CBX6: variants seen among roughly 807,000 people sequenced by gnomAD.
CBX6 encodes the protein chromobox 6, also known as chromobox protein homolog 6.
Under a neutral mutation model 28.4 loss-of-function variants are expected in CBX6, and 7 were observed. The ratio of observed to expected loss-of-function variants is 0.25; its 90% CI spans 0.14 to 0.46. The LOEUF is 0.46. Ranked by LOEUF, CBX6 falls within the 20% of genes least tolerant of loss-of-function variation. CBX6 has a pLI of 0.99. For missense variants in CBX6, 512 were observed against 606.1 expected (o/e 0.84, Z 1.63); for synonymous variants, 297 against 273.4 (o/e 1.09, Z -0.85).
At chr22:38,868,832 C>T (rs910215966) in intron 4 of CBX6, among the ~76,000 whole-genome samples, 2 of 152,274 alleles carry the variant, frequency 1.3e-5, no homozygotes, top group South Asian at 4.1e-4. Context: ...AGCCCATATG[C>T]CTCTCAGACA....
In CBX6 at chr22:38,866,558, G is replaced by A. The variant is rs1162602841; in HGVS notation, c.890C>T (p.Pro297Leu). The change falls in exon 5 of 5, where the codon CCC becomes CTC. Residue 297 changes from proline (P) to leucine (L), a missense_variant. Physicochemically the swap from Pro to Leu is moderately conservative, Grantham distance 98 (BLOSUM62 -3). This residue lies in a region of CBX6 where 290 missense variants were observed against 274.1 expected (regional missense o/e 1.06). Transcript: ENST00000407418. This position sits in a 1 kb window ranked among gnomAD's most constrained non-coding sequence, Gnocchi z 7.5. ...DPDDTPPKLL[P>L]ETVSPSAPSW... ...GGGGGCGGATGGGCTCACGGTCTCG[G>A]GGAGGAGCTTGGGGGGCGTGTCGTC... The A allele has an allele frequency of 6.3e-7, 1 of 1,578,398 alleles. No homozygotes were observed. The highest frequency in any genetic ancestry group is 8.6e-7 in the Non-Finnish European group (1 of 1,169,556).
chr22:38,871,875 G>A lies in CBX6; in HGVS notation c.113+27C>T. ...CGGTGCCCGCTGCCTCCCCTCCCGC[G>A]ACGCCCCCGGACCCCGCGACACTCA... On this transcript the variant is annotated intron_variant, in intron 2 of 4. Coordinates refer to ENST00000407418, the MANE Select transcript of CBX6 (RefSeq NM_014292.5). This position sits in a 1 kb window ranked among gnomAD's most constrained non-coding sequence, Gnocchi z 5.6. 1 of 1,529,408 alleles carries A rather than the reference G, an allele frequency of 6.5e-7. No individual in the cohort carries two copies. Among genetic ancestry groups the A allele is most frequent in the Non-Finnish European group, 8.8e-7 (1 of 1,134,400 alleles). The allele number at this position is 1,529,408 out of a possible 1,614,324, so 94.7% of individuals were successfully genotyped here. A position where few individuals can be genotyped will look rare whatever the true frequency, so the allele number is the denominator to read the frequency against.
Position 38,866,358 on chromosome 22 carries a change from G to A in CBX6, c.1090C>T (p.Pro364Ser), listed in dbSNP as rs780798352. 1 of 1,613,682 alleles carries A rather than the reference G, an allele frequency of 6.2e-7. No individual in the cohort carries two copies. The highest frequency in any genetic ancestry group is 1.3e-5 in the African/African-American group (1 of 74,936). The change falls in exon 5 of 5, where the codon CCC becomes TCC. Residue 364 changes from proline to serine, a missense_variant. By Grantham distance (74) the Pro-to-Ser change is moderately conservative. Transcript: ENST00000407418. This position sits in a 1 kb window ranked among gnomAD's most constrained non-coding sequence, Gnocchi z 7.5. ...EAGDWRPEMSPCSNVVVTDVT... is the reference protein window; with the variant it reads ...EAGDWRPEMSSCSNVVVTDVT... ...TCGGTGACGACCACATTGGAGCAGG[G>A]TGACATCTCGGGGCGCCAGTCCCCA... is the stretch of plus-strand genomic sequence containing the variant.
chr22:38,867,133 G>C lies in CBX6; in HGVS notation c.315C>G (p.Ala105=). 1.9e-6 allele frequency: 3 copies of C among 1,579,862 alleles called. No homozygotes were observed. The highest frequency in any genetic ancestry group is 2.6e-6 in the Non-Finnish European group (3 of 1,166,224). The change falls in exon 5 of 5, where the codon GCC becomes GCG. Residue 105 remains alanine, a synonymous_variant. Coordinates refer to ENST00000407418, the MANE Select transcript of CBX6 (RefSeq NM_014292.5). ...VHFSVKPSAS[A]SSPKLHSSAA... is the part of the protein sequence containing the mutation. ...CGCTGGAGTGCAGCTTGGGCGAGGAGGCACTGGCGCTCGGCTTGACAGAGA... is the reference window on the plus strand; with the variant it reads ...CGCTGGAGTGCAGCTTGGGCGAGGACGCACTGGCGCTCGGCTTGACAGAGA...
rs2093181294 is a variant in CBX6 at position 38,871,204 on chromosome 22, C to T, written c.246+276G>A. 1 of 544,772 alleles carries T rather than the reference C, an allele frequency of 1.8e-6. No individual in the cohort carries two copies. The highest frequency in any genetic ancestry group is 3.2e-6 in the Non-Finnish European group (1 of 307,822). 33.7% of individuals were successfully genotyped at this position (544,772 alleles called of 1,614,324 possible). A position where few individuals can be genotyped will look rare whatever the true frequency, so the allele number is the denominator to read the frequency against. Reference sequence around the variant, plus strand: ...GGCATCCCCCACCTGCCTCAGCCACCCCCTTTCCTGGAGCCCTAAAGGCAT... The same window carrying T: ...GGCATCCCCCACCTGCCTCAGCCACTCCCTTTCCTGGAGCCCTAAAGGCAT... On this transcript the variant is annotated intron_variant, in intron 4 of 4. Coordinates refer to ENST00000407418, the MANE Select transcript of CBX6 (RefSeq NM_014292.5). This position sits in a 1 kb window ranked among gnomAD's most constrained non-coding sequence, Gnocchi z 5.6.
chr22:38,868,596 G>A (rs960010647), intron 4 of CBX6, among the ~76,000 whole-genome samples: 2 of 152,142 alleles, frequency 1.3e-5, no homozygotes, highest in African/African-American at 2.4e-5. Context: ...CAGAGGCTGG[G>A]GTGTGTGTGG....
rs2093158851 is a variant in CBX6 at position 38,862,247 on chromosome 22, A to G, written c.*3962T>C. The G allele has an allele frequency of 6.6e-6, 1 of 152,312 alleles. No homozygotes were observed. Among genetic ancestry groups the G allele is most frequent in the East Asian group, 1.9e-4 (1 of 5,178 alleles). The allele number at this position is 152,312 out of a possible 1,614,324, so 9.4% of individuals were successfully genotyped here. A position where few individuals can be genotyped will look rare whatever the true frequency, so the allele number is the denominator to read the frequency against. On this transcript the variant is annotated 3_prime_UTR_variant, in exon 5 of 5. Transcript: ENST00000407418. The stretch of plus-strand genomic sequence containing the variant: ...GAGGGGGCATCTTTGGCCCCCACTA[A>G]CCATCTCCCTATTTCTGCATCCTGG...
rs1461274155 is a variant in CBX6 at position 38,861,958 on chromosome 22, TAA to T, written c.*4249_*4250del. ...AACGTCTCAAAAATTAAAAAAATTATAAGATACGTATTTCTTTAGGCCTTTGT... is the reference window on the plus strand; with the variant it reads ...AACGTCTCAAAAATTAAAAAAATTATGATACGTATTTCTTTAGGCCTTTGT... On this transcript the variant is annotated 3_prime_UTR_variant, in exon 5 of 5. Coordinates refer to ENST00000407418, the MANE Select transcript of CBX6 (RefSeq NM_014292.5). The T allele has an allele frequency of 6.6e-6, 1 of 152,246 alleles. No homozygotes were observed. The highest frequency in any genetic ancestry group is 2.4e-5 in the African/African-American group (1 of 41,468). The allele number at this position is 152,246 out of a possible 1,614,324, so 9.4% of individuals were successfully genotyped here. A position where few individuals can be genotyped will look rare whatever the true frequency, so the allele number is the denominator to read the frequency against.
rs924574373 is a variant in CBX6, at chr22:38,863,046, G to A, written c.*3163C>T. On this transcript the variant is annotated 3_prime_UTR_variant, in exon 5 of 5. Coordinates refer to ENST00000407418, the MANE Select transcript of CBX6 (RefSeq NM_014292.5). ...ATTTTGACCTTGACCCCTTTGCAGG[G>A]TGAGAACAAAGAGGGGTTGTGGGCA... is the stretch of plus-strand genomic sequence containing the variant. 6.6e-6 allele frequency: 1 copy of A among 152,250 alleles called. No homozygotes were observed. The highest frequency in any genetic ancestry group is 2.4e-5 in the African/African-American group (1 of 41,462). 9.4% of individuals were successfully genotyped at this position (152,250 alleles called of 1,614,324 possible).
rs949190758 is a variant in CBX6, at chr22:38,870,483, G to C, written c.246+997C>G. The C allele has an allele frequency of 6.6e-6, 1 of 152,284 alleles. No individual in the cohort carries two copies. The highest frequency in any genetic ancestry group is 2.4e-5 in the African/African-American group (1 of 41,456). The allele number at this position is 152,284 out of a possible 1,614,324, so 9.4% of individuals were successfully genotyped here. On this transcript the variant is annotated intron_variant, in intron 4 of 4. Transcript: ENST00000407418. This position sits in a 1 kb window ranked among gnomAD's most constrained non-coding sequence, Gnocchi z 4.3. ...CTGCTCCGCCCATCCCTCCCCAAGA[G>C]AAGCATCAGGGTTAAGGTTACTCCC...
Position 38,871,975 on chromosome 22 carries a change from T to TGGGGGTGGGGAGGATGCGGGGAC in CBX6, c.70-53_70-31dup, listed in dbSNP as rs1484643940. The TGGGGGTGGGGAGGATGCGGGGAC allele has an allele frequency of 7.9e-7, 1 of 1,262,044 alleles. No individual in the cohort carries two copies. Among genetic ancestry groups the TGGGGGTGGGGAGGATGCGGGGAC allele is most frequent in the Non-Finnish European group, 1.1e-6 (1 of 915,332 alleles). 78.2% of individuals were successfully genotyped at this position (1,262,044 alleles called of 1,614,324 possible). A position where few individuals can be genotyped will look rare whatever the true frequency, so the allele number is the denominator to read the frequency against. On this transcript the variant is annotated intron_variant, in intron 1 of 4. Transcript: ENST00000407418. The surrounding 1 kb of genome is among the most constrained non-coding windows in gnomAD (Gnocchi z 5.6). ...AAAACAGAGGGGAGAAAAACGGGGG[T>TGGGGGTGGGGAGGATGCGGGGAC]GGGGGTGGGGAGGATGCGGGGACGC...
At position 38,867,211 on chromosome 22, in the gene CBX6, G is replaced by GT; in HGVS notation, c.247-11_247-10insA. ...CGGCCTGGGCCCGCGCCTGCGGGCA[G>GT]AGGGAGGGGTGGGTGGGACCTCAGG... On this transcript the variant is annotated splice_polypyrimidine_tract_variant and intron_variant, in intron 4 of 4. Transcript: ENST00000407418. 6.7e-7 allele frequency: 1 copy of GT among 1,492,160 alleles called. No homozygotes were observed. Among genetic ancestry groups the GT allele is most frequent in the African/African-American group, 1.4e-5 (1 of 72,102 alleles). The allele number at this position is 1,492,160 out of a possible 1,614,324, so 92.4% of individuals were successfully genotyped here. A position where few individuals can be genotyped will look rare whatever the true frequency, so the allele number is the denominator to read the frequency against.
rs3042739 is a variant in CBX6, at chr22:38,862,518, C to CAAAAAAAAAAAAAAAAAAAAAA, written c.*3669_*3690dup. The stretch of plus-strand genomic sequence containing the variant: ...TCCACTGTCCTGTGTGGGCGAAGTG[C>CAAAAAAAAAAAAAAAAAAAAAA]AAAAAAAAAAAAAAAAAAAAAAAAA... On this transcript the variant is annotated 3_prime_UTR_variant, in exon 5 of 5. Transcript: ENST00000407418. The CAAAAAAAAAAAAAAAAAAAAAA allele has an allele frequency of 6.9e-4, 19 of 27,428 alleles. No homozygotes were observed. Among genetic ancestry groups the CAAAAAAAAAAAAAAAAAAAAAA allele is most frequent in the African/African-American group, 1.5e-3 (8 of 5,478 alleles). The allele number at this position is 27,428 out of a possible 1,614,324, so 1.7% of individuals were successfully genotyped here. A position where few individuals can be genotyped will look rare whatever the true frequency, so the allele number is the denominator to read the frequency against.
In CBX6 at chr22:38,866,281, C is replaced by A; in HGVS notation, c.1167G>T (p.Glu389Asp). 6.2e-7 allele frequency: 1 copy of A among 1,613,824 alleles called. No homozygotes were observed. ...CCCCAGCAGCCACCTTCTCGAAATC[C>A]TCAGGGTTGCAGAATTCCTTGATTG... ...TVTIKEFCNPEDFEKVAAGVA... is the reference protein window; with the variant it reads ...TVTIKEFCNPDDFEKVAAGVA... The change falls in exon 5 of 5, where the codon GAG becomes GAT. Residue 389 changes from glutamate to aspartate, a missense_variant. Transcript: ENST00000407418. The surrounding 1 kb of genome is among the most constrained non-coding windows in gnomAD (Gnocchi z 7.5).
rs2093180456 is a variant in CBX6 at position 38,870,909 on chromosome 22, C to T, written c.246+571G>A. 6.4e-6 allele frequency: 1 copy of T among 155,152 alleles called. No homozygotes were observed. Among genetic ancestry groups the T allele is most frequent in the Non-Finnish European group, 1.4e-5 (1 of 69,650 alleles). The allele number at this position is 155,152 out of a possible 1,614,324, so 9.6% of individuals were successfully genotyped here. On this transcript the variant is annotated intron_variant, in intron 4 of 4. Transcript: ENST00000407418. The surrounding 1 kb of genome is among the most constrained non-coding windows in gnomAD (Gnocchi z 4.3). ...CCGGGAGTGGGGGGAAACTGAGGCT[C>T]AGAGCCCTAAAGTTAGTGGCCCAGC...
In CBX6 at chr22:38,866,636, C is replaced by T. The variant is rs1252749106; in HGVS notation, c.812G>A (p.Arg271His). ...LAAPAAPYDA[R>H]SSGSSGCPSP... is the part of the protein sequence containing the mutation. ...GGGGCAGCCGGAGGAGCCAGAGCTG[C>T]GGGCGTCGTAGGGGGCGGCGGGGGC... is the stretch of plus-strand genomic sequence containing the variant. The change falls in exon 5 of 5, where the codon CGC becomes CAC. Residue 271 changes from arginine to histidine, a missense_variant. Arg to His is a conservative substitution (Grantham distance 29). This residue lies in a region of CBX6 where 290 missense variants were observed against 274.1 expected (regional missense o/e 1.06). Coordinates refer to ENST00000407418, the MANE Select transcript of CBX6 (RefSeq NM_014292.5). This position sits in a 1 kb window ranked among gnomAD's most constrained non-coding sequence, Gnocchi z 7.5. The T allele has an allele frequency of 3.2e-6, 4 of 1,262,774 alleles. No homozygotes were observed. The highest frequency in any genetic ancestry group is 3.1e-6 in the Non-Finnish European group (3 of 982,420). The allele number at this position is 1,262,774 out of a possible 1,614,324, so 78.2% of individuals were successfully genotyped here. A position where few individuals can be genotyped will look rare whatever the true frequency, so the allele number is the denominator to read the frequency against.
chr22:38,871,332 C>A lies in CBX6; in HGVS notation c.246+148G>T. On this transcript the variant is annotated intron_variant, in intron 4 of 4. Coordinates refer to ENST00000407418, the MANE Select transcript of CBX6 (RefSeq NM_014292.5). This position sits in a 1 kb window ranked among gnomAD's most constrained non-coding sequence, Gnocchi z 5.6. Reference sequence around the variant, plus strand: ...CTGCCATCAGGGGCTTCTGGGGGGGCTCACAACCACCCCCTGCCCAGCTGG... The same window carrying A: ...CTGCCATCAGGGGCTTCTGGGGGGGATCACAACCACCCCCTGCCCAGCTGG... 2 of 722,850 alleles carry A rather than the reference C, an allele frequency of 2.8e-6. No individual in the cohort carries two copies. Among genetic ancestry groups the A allele is most frequent in the South Asian group, 1.6e-5 (1 of 62,114 alleles). The allele number at this position is 722,850 out of a possible 1,614,324, so 44.8% of individuals were successfully genotyped here. A position where few individuals can be genotyped will look rare whatever the true frequency, so the allele number is the denominator to read the frequency against.
At position 38,867,174 on chromosome 22, in the gene CBX6, T is replaced by C. The variant is rs1179718479; in HGVS notation, c.274A>G (p.Ile92Val). Residue 92 changes from isoleucine to valine, a missense_variant, in exon 5 of 5, where the codon ATC (isoleucine) becomes GTC (valine). Around this residue, in one of 7 missense-constraint regions of CBX6, gnomAD observed 123 missense variants for 138.1 expected, o/e 0.89. Coordinates refer to ENST00000407418, the MANE Select transcript of CBX6 (RefSeq NM_014292.5). ...KARAQAEALRISDVHFSVKPS... is the reference protein window; with the variant it reads ...KARAQAEALRVSDVHFSVKPS... ...TTGACAGAGAAATGCACATCACTGA[T>C]GCGGAGGGCCTCGGCCTGGGCCCGC... is the stretch of plus-strand genomic sequence containing the variant. The C allele has an allele frequency of 3.1e-6, 4 of 1,274,566 alleles. No individual in the cohort carries two copies. In the East Asian group the frequency reaches 1.7e-4, roughly 55 times the overall value. The allele number at this position is 1,274,566 out of a possible 1,614,324, so 79.0% of individuals were successfully genotyped here.
At position 38,871,139 on chromosome 22, in the gene CBX6, G is replaced by T. The variant is rs59076553; in HGVS notation, c.246+341C>A. The T allele has an allele frequency of 3.0e-6, 1 of 336,266 alleles. No individual in the cohort carries two copies. Among genetic ancestry groups the T allele is most frequent in the East Asian group, 7.2e-5 (1 of 13,954 alleles). The allele number at this position is 336,266 out of a possible 1,614,324, so 20.8% of individuals were successfully genotyped here. A position where few individuals can be genotyped will look rare whatever the true frequency, so the allele number is the denominator to read the frequency against. ...CTCTCCCCCTGGGTTCCAACTCCCA[G>T]CACAGTCATAACAGCTCAAACAAAT... On this transcript the variant is annotated intron_variant, in intron 4 of 4. Coordinates refer to ENST00000407418, the MANE Select transcript of CBX6 (RefSeq NM_014292.5). The surrounding 1 kb of genome is among the most constrained non-coding windows in gnomAD (Gnocchi z 5.6).
Sources: gnomAD v4.1 joint callset for allele counts (sites outside exome capture counted in the v4.1 genomes callset) on GRCh38, gnomAD v4.1.1 for gene constraint, gnomAD v4.1.1 regional missense constraint, Gnocchi (gnomAD v3.1) non-coding constraint, MANE v1.5 for transcripts, NCBI Gene and HGNC (gene_info 2026-07-23, HGNC 2026-07-21) for gene names.